The following PCDHGA7 variants were observed in gnomAD, a reference collection of about 807,000 sequenced individuals.
PCDHGA7 encodes the protein protocadherin gamma-A7.
Under a neutral mutation model 58.3 loss-of-function variants are expected in PCDHGA7, and 44 were observed. The ratio of observed to expected loss-of-function variants is 0.75; its 90% CI spans 0.59 to 0.97. PCDHGA7 has a LOEUF of 0.97. PCDHGA7 is among the 50% of genes least tolerant of loss of function. The pLI, the probability that PCDHGA7 is intolerant of heterozygous loss-of-function variation, is 0.00. For missense variants in PCDHGA7, 1,266 were observed against 1,188.7 expected (o/e 1.06, Z -0.96); for synonymous variants, 516 against 504.2 (o/e 1.02, Z -0.31).
At chr5:141,390,506 T>A in intron 1 of PCDHGA7, 1 of 598,006 alleles carries the variant, frequency 1.7e-6, no homozygotes, top group Non-Finnish European at 2.9e-6. Context: ...CAAGCTTAGA[T>A]TTATAAAGCA....
chr5:141,383,027 C>A lies in PCDHGA7; in HGVS notation c.128C>A (p.Ser43Tyr), dbSNP rs752703068. 3 of 1,613,838 alleles carry A rather than the reference C, an allele frequency of 1.9e-6. No homozygotes were observed. In the South Asian group the frequency reaches 3.3e-5, roughly 18 times the overall value. ...YSVSEETDKG[S>Y]FVGDIAKDLG... ...GTGTCGGAGGAGACGGACAAAGGGTCCTTTGTGGGAGACATCGCCAAGGAC... is the reference window on the plus strand; with the variant it reads ...GTGTCGGAGGAGACGGACAAAGGGTACTTTGTGGGAGACATCGCCAAGGAC... Residue 43 changes from serine (S) to tyrosine (Y), a missense_variant, in exon 1 of 4, where the codon TCC becomes TAC. Coordinates refer to ENST00000518325, the MANE Select transcript of PCDHGA7 (RefSeq NM_018920.4).
intron 1 of PCDHGA7, chr5:141,404,724 T>C: frequency 6.2e-7 from 1 of 1,613,942 alleles, no homozygotes; most frequent in Non-Finnish European, 8.5e-7. Context: ...GTGACCAAGG[T>C]GGTGGCAGTG....
intron 1 of PCDHGA7, chr5:141,421,355 G>C (rs1561793348): frequency 6.2e-7 from 1 of 1,613,990 alleles, no homozygotes. Flanking sequence ...ACCGAAAAGG[G>C]CTCCTTCGTG....
At chr5:141,479,561 G>A (rs1032137833) in intron 1 of PCDHGA7, 1 of 152,270 alleles carries the variant, frequency 6.6e-6, no homozygotes, top group African/African-American at 2.4e-5. Context: ...CTATCCAGTA[G>A]TGGGATGACA....
In PCDHGA7 at chr5:141,485,233, C is replaced by T; in HGVS notation, c.2425-9574C>T. 1.2e-6 allele frequency: 2 copies of T among 1,614,182 alleles called. No individual in the cohort carries two copies. The highest frequency in any genetic ancestry group is 1.7e-6 in the Non-Finnish European group (2 of 1,180,030). ...GGCGGTGGGCTACCCTTTTGTTCCTCTTTTACCACCTGGGTTACGTTTGTG... is the reference window on the plus strand; with the variant it reads ...GGCGGTGGGCTACCCTTTTGTTCCTTTTTTACCACCTGGGTTACGTTTGTG... On this transcript the variant is annotated intron_variant, in intron 1 of 3. Transcript: ENST00000518325. This position sits in a 1 kb window ranked among gnomAD's most constrained non-coding sequence, Gnocchi z 5.7.
At chr5:141,494,190 G>GAGAA (rs2099752701) in intron 1 of PCDHGA7, among the ~76,000 whole-genome samples, 1 of 152,186 alleles carries the variant, frequency 6.6e-6, no homozygotes, top group Non-Finnish European at 1.5e-5. Flanking sequence ...CCCGGGACTT[G>GAGAA]GATGCCCCGC....
intron 1 of PCDHGA7, among the ~76,000 whole-genome samples, chr5:141,439,530 C>T (rs1003383726): frequency 6.6e-6 from 1 of 152,180 alleles, no homozygotes; most frequent in Non-Finnish European, 1.5e-5. Flanking sequence ...CTCTACAGAA[C>T]GCTGTCCTCT....
Position 141,511,103 on chromosome 5 carries a change from A to G in PCDHGA7, c.2729A>G (p.Lys910Arg), listed in dbSNP as rs779731716. The G allele has an allele frequency of 6.2e-7, 1 of 1,614,214 alleles. No individual in the cohort carries two copies. The highest frequency in any genetic ancestry group is 8.5e-7 in the Non-Finnish European group (1 of 1,180,026). The change falls in exon 4 of 4, where the codon AAG becomes AGG. Residue 910 changes from lysine to arginine, a missense_variant. By Grantham distance (26) the Lys-to-Arg change is conservative. Coordinates refer to ENST00000518325, the MANE Select transcript of PCDHGA7 (RefSeq NM_018920.4). ...SNATLTNAAGKRDGKAPAGGN... is the reference protein window; with the variant it reads ...SNATLTNAAGRRDGKAPAGGN... ...GCCACACTGACCAACGCAGCTGGCA[A>G]GCGGGATGGCAAGGCCCCAGCAGGT...
In PCDHGA7 at chr5:141,476,149, A is replaced by T. The variant is rs1042362185; in HGVS notation, c.2425-18658A>T. The stretch of plus-strand genomic sequence containing the variant: ...CAGAGGCCTGGAGGAGCGGACTGGT[A>T]AGCACCGGGAGGGTAGTGGGAGTTT... On this transcript the variant is annotated intron_variant, in intron 1 of 3. Transcript: ENST00000518325. This position sits in a 1 kb window ranked among gnomAD's most constrained non-coding sequence, Gnocchi z 7.6. 4 of 1,611,688 alleles carry T rather than the reference A, an allele frequency of 2.5e-6. No individual in the cohort carries two copies. In the African/African-American group the frequency reaches 5.3e-5, roughly 22 times the overall value.
chr5:141,402,996 T>G, intron 1 of PCDHGA7: 3 of 1,613,890 alleles, frequency 1.9e-6, no homozygotes, highest in Non-Finnish European at 1.7e-6. Context: ...AGATTAGTCC[T>G]GCTATGCTCG....
intron 2 of PCDHGA7, among the ~76,000 whole-genome samples, chr5:141,500,942 C>T (rs937418207): frequency 2.0e-5 from 3 of 151,926 alleles, no homozygotes; most frequent in Non-Finnish European, 4.4e-5. Context: ...CATCTCGGCT[C>T]ACTGCAAGCT....
At chr5:141,488,389 A>G (rs1322717951) in intron 1 of PCDHGA7, among the ~76,000 whole-genome samples, 1 of 152,224 alleles carries the variant, frequency 6.6e-6, no homozygotes, top group East Asian at 1.9e-4. Context: ...GAATTTGGTG[A>G]AACCATGAAA....
chr5:141,430,773 G>A (rs375524585), intron 1 of PCDHGA7: 2 of 1,507,932 alleles, frequency 1.3e-6, no homozygotes, highest in Non-Finnish European at 1.8e-6. Flanking sequence ...ATTCCTGCGC[G>A]ACTGCACCGG....
chr5:141,418,821 C>G (rs750200042), intron 1 of PCDHGA7: 1 of 1,613,846 alleles, frequency 6.2e-7, no homozygotes, highest in Non-Finnish European at 8.5e-7. Flanking sequence ...AACATAGAAG[C>G]AAAAGACCGA....
In PCDHGA7 at chr5:141,384,252, CT is replaced by C; in HGVS notation, c.1355del (p.Phe452SerfsTer22). On this transcript the variant is annotated frameshift_variant, in exon 1 of 4. Transcript: ENST00000518325. LOFTEE classifies it high-confidence loss of function. ...VADTNDNPPT[F>X]PHSSYSVYIA... ...CAGACACCAACGATAACCCACCCAC[CT>C]TCCCCCACTCATCCTACTCAGTCTA... 4 of 1,613,902 alleles carry C rather than the reference CT, an allele frequency of 2.5e-6. 1 individual carries two copies. In the South Asian group the frequency reaches 4.4e-5, roughly 18 times the overall value.
At chr5:141,404,000 A>G (rs758512396) in intron 1 of PCDHGA7, 1 of 1,613,956 alleles carries the variant, frequency 6.2e-7, no homozygotes. Flanking sequence ...AGTGACCATT[A>G]CATCTCTGTT....
In PCDHGA7 at chr5:141,489,412, G is replaced by C; in HGVS notation, c.2425-5395G>C. On this transcript the variant is annotated intron_variant, in intron 1 of 3. Coordinates refer to ENST00000518325, the MANE Select transcript of PCDHGA7 (RefSeq NM_018920.4). The surrounding 1 kb of genome is among the most constrained non-coding windows in gnomAD (Gnocchi z 4.5). ...TCAGGATCTGGGCTTAAAGATGACAGATCTGTTGAGCCGGCGGCTGCAATT... is the reference window on the plus strand; with the variant it reads ...TCAGGATCTGGGCTTAAAGATGACACATCTGTTGAGCCGGCGGCTGCAATT... The C allele has an allele frequency of 6.2e-7, 1 of 1,614,172 alleles. No individual in the cohort carries two copies. Among genetic ancestry groups the C allele is most frequent in the Non-Finnish European group, 8.5e-7 (1 of 1,180,040 alleles).
chr5:141,421,715 T>G (rs756472123), intron 1 of PCDHGA7: 1 of 1,613,960 alleles, frequency 6.2e-7, no homozygotes, highest in Admixed American at 1.7e-5. Context: ...GATCCAGATG[T>G]GGGCGTGAAC....
At chr5:141,434,521 T>G (rs2097700467) in intron 1 of PCDHGA7, among the ~76,000 whole-genome samples, 1 of 152,202 alleles carries the variant, frequency 6.6e-6, no homozygotes, top group Non-Finnish European at 1.5e-5. Flanking sequence ...AAAGGTGTTC[T>G]TAAACCACAA....
Sources: allele counts gnomAD v4.1 joint callset (sites outside exome capture counted in the v4.1 genomes callset), GRCh38; gene constraint gnomAD v4.1.1; non-coding constraint Gnocchi (gnomAD v3.1); transcripts MANE v1.5; gene names NCBI Gene and HGNC (gene_info 2026-07-23, HGNC 2026-07-21).